LRMDA: variants seen among roughly 807,000 people sequenced by gnomAD.
The protein encoded by LRMDA is leucine-rich melanocyte differentiation-associated protein.
LRMDA carries 18 observed loss-of-function variants against 29.8 expected under a neutral mutation model. The observed-to-expected ratio is 0.60, with a 90% CI of 0.42 to 0.90. The LOEUF (loss-of-function observed/expected upper bound fraction) is 0.90. LRMDA is among the 40% of genes least tolerant of loss of function. The pLI, the probability that LRMDA is intolerant of heterozygous loss-of-function variation, is 0.00. For synonymous variants in LRMDA, 125 were observed against 109.4 expected, an observed-to-expected ratio of 1.14 and a Z score of -0.89; for missense variants, 273 against 273.9, an observed-to-expected ratio of 1.00 and a Z score of 0.02.
chr10:75,618,530 T>C (rs11001440), intron 2 of LRMDA, among the ~76,000 whole-genome samples: 6,013 of 146,614 alleles, frequency 0.041, 379 homozygotes, highest in African/African-American at 0.14. Flanking sequence ...TATATATATA[T>C]TTGACTCTTG....
intron 5 of LRMDA, among the ~76,000 whole-genome samples, chr10:76,307,301 G>T (rs1030179805): frequency 1.3e-5 from 2 of 152,142 alleles, no homozygotes; most frequent in African/African-American, 4.8e-5. Flanking sequence ...TGGAGGTGGA[G>T]GCCTTTTGTT....
At chr10:75,813,504 C>T (rs902061300) in intron 2 of LRMDA, among the ~76,000 whole-genome samples, 21 of 152,186 alleles carry the variant, frequency 1.4e-4, no homozygotes, top group African/African-American at 5.1e-4. Flanking sequence ...CTTAAGGAGT[C>T]TTTCCAAGTT....
intron 6 of LRMDA, among the ~76,000 whole-genome samples, chr10:76,455,203 T>C (rs147854343): frequency 1.3e-5 from 2 of 152,272 alleles, no homozygotes; most frequent in East Asian, 3.9e-4. Flanking sequence ...GTGAATATTA[T>C]AGAAAGAAAG....
At chr10:75,864,757 T>A (rs966733102) in intron 2 of LRMDA, among the ~76,000 whole-genome samples, 5 of 152,212 alleles carry the variant, frequency 3.3e-5, no homozygotes, top group African/African-American at 4.8e-5. Flanking sequence ...GCAAAACAGT[T>A]TTATCCTTTC....
chr10:76,078,735 CTGAGGCAGGAGAATGGCG>C (rs1849003072), intron 5 of LRMDA, among the ~76,000 whole-genome samples: 1 of 152,132 alleles, frequency 6.6e-6, no homozygotes, highest in Non-Finnish European at 1.5e-5. Context: ...ACTTGGGAGG[CTGAGGCAGGAGAATGGCG>C]TGAACCCAGG....
chr10:76,230,781 A>G (rs41314990), intron 5 of LRMDA, among the ~76,000 whole-genome samples: 2,455 of 152,342 alleles, frequency 0.016, 31 homozygotes, highest in South Asian at 0.07. Flanking sequence ...CATCTCCCAT[A>G]CATTGTAATG....
intron 2 of LRMDA, among the ~76,000 whole-genome samples, chr10:75,916,297 G>A (rs926201168): frequency 2.6e-5 from 4 of 152,040 alleles, no homozygotes; most frequent in Non-Finnish European, 4.4e-5. Flanking sequence ...CTAAGCAGTG[G>A]GTGCAGGCAG....
chr10:75,544,176 C>T (rs3001913), intron 2 of LRMDA, among the ~76,000 whole-genome samples: 13,859 of 152,022 alleles, frequency 0.091, 844 homozygotes, highest in East Asian at 0.3. Flanking sequence ...GGTGAACCTA[C>T]GAGAAAAGAT....
chr10:76,093,655 C>T (rs1849269093), intron 5 of LRMDA, among the ~76,000 whole-genome samples: 1 of 152,090 alleles, frequency 6.6e-6, no homozygotes, highest in Non-Finnish European at 1.5e-5. Context: ...CTTTACTGCT[C>T]ATATCATATC....
intron 2 of LRMDA, among the ~76,000 whole-genome samples, chr10:75,991,598 G>A (rs185240056): frequency 1.6e-4 from 24 of 152,310 alleles, no homozygotes; most frequent in Non-Finnish European, 2.8e-4. Context: ...TTCTAGAAGT[G>A]CTGAATTGAG....
rs1311091436 is a variant in LRMDA at position 76,045,004 on chromosome 10, C to G, written c.259-2160C>G. Among the ~76,000 whole-genome samples the G allele has an allele frequency of 2.7e-5, 4 of 146,418 alleles. No individual in the cohort carries two copies. The East Asian group carries it at 9.5e-4, about 35-fold the overall frequency. ...TTCCCCTCCCTTGCTAGTTTTTCCC[C>G]TCTCTTGCTAGTTTCCCCCTCTCTT... On this transcript the variant is annotated intron_variant, in intron 3 of 6. Transcript: ENST00000611255.
Position 76,047,314 on chromosome 10 carries a change from A to G in LRMDA, c.398+11A>G. ...CTACAAGAGATACAGGTGAGTGTCC[A>G]GGGGTTGGACCATGGTGGGAAAAGG... is the stretch of plus-strand genomic sequence containing the variant. On this transcript the variant is annotated intron_variant, in intron 4 of 6. Transcript: ENST00000611255. 1 of 1,602,178 alleles carries G rather than the reference A, an allele frequency of 6.2e-7. No homozygotes were observed. Among genetic ancestry groups the G allele is most frequent in the Non-Finnish European group, 8.5e-7 (1 of 1,174,286 alleles).
At chr10:76,533,984 A>C (rs1180986569) in intron 6 of LRMDA, among the ~76,000 whole-genome samples, 1 of 152,176 alleles carries the variant, frequency 6.6e-6, no homozygotes, top group African/African-American at 2.4e-5. Flanking sequence ...CTTGGAATCT[A>C]GTGGGATGCT....
At chr10:75,911,009 G>A (rs987533061) in intron 2 of LRMDA, among the ~76,000 whole-genome samples, 2 of 150,052 alleles carry the variant, frequency 1.3e-5, no homozygotes, top group South Asian at 2.1e-4. Flanking sequence ...CTATTAAACA[G>A]CATTTTTTTT....
chr10:76,180,849 A>G (rs901643076), intron 5 of LRMDA, among the ~76,000 whole-genome samples: 12 of 152,150 alleles, frequency 7.9e-5, no homozygotes, highest in Non-Finnish European at 1.5e-4. Flanking sequence ...GCTTCCAGAA[A>G]GCTTTCCTGG....
chr10:75,976,262 T>A (rs1209011328), intron 2 of LRMDA, among the ~76,000 whole-genome samples: 2 of 152,270 alleles, frequency 1.3e-5, no homozygotes, highest in Non-Finnish European at 2.9e-5. Flanking sequence ...CGTTCATTCA[T>A]CTTAGAATCT....
At chr10:75,858,573 G>C (rs1844867302) in intron 2 of LRMDA, among the ~76,000 whole-genome samples, 1 of 152,202 alleles carries the variant, frequency 6.6e-6, no homozygotes, top group Non-Finnish European at 1.5e-5. Flanking sequence ...GCTGGGATTA[G>C]AGCTTAGCCA....
chr10:75,442,788 A>G (rs1267476347), intron 2 of LRMDA, among the ~76,000 whole-genome samples: 3 of 151,982 alleles, frequency 2.0e-5, no homozygotes, highest in African/African-American at 7.2e-5. Context: ...GAAAAATGCC[A>G]TTGGAATTTT....
intron 2 of LRMDA, among the ~76,000 whole-genome samples, chr10:75,852,539 C>CA (rs1020803993): frequency 1.0e-5 from 1 of 97,062 alleles, no homozygotes; most frequent in Non-Finnish European, 2.6e-5. Flanking sequence ...ACAACAACAA[C>CA]AACAAAAAAA....
Sources: gnomAD v4.1 joint callset for allele counts (sites outside exome capture counted in the v4.1 genomes callset) on GRCh38, gnomAD v4.1.1 for gene constraint, MANE v1.5 for transcripts, NCBI Gene and HGNC (gene_info 2026-07-23, HGNC 2026-07-21) for gene names.